Variants in MTO1 observed in about 807,000 individuals in gnomAD.
The protein encoded by MTO1 is 5-taurinomethyluridine-[tRNA] synthase subunit MTO1, mitochondrial.
A neutral mutation model predicts 71.6 loss-of-function variants in MTO1; 46 were observed. That is an observed-to-expected ratio of 0.64 (90% CI 0.51 to 0.82). The LOEUF (loss-of-function observed/expected upper bound fraction) is 0.82. Among genes scored for constraint, MTO1 ranks in the 40% least tolerant of loss-of-function variants. The pLI is 0.00. For synonymous variants in MTO1, 297 were observed against 312.1 expected (o/e 0.95, Z 0.51); for missense variants, 773 against 867.5 (o/e 0.89, Z 1.37).
intron 3 of MTO1, among the ~76,000 whole-genome samples, chr6:73,468,179 ACCAT>A (rs1338182221): frequency 6.7e-6 from 1 of 150,050 alleles, no homozygotes; most frequent in African/African-American, 2.5e-5. Flanking sequence ...GTGCAGTGGT[ACCAT>A]CTTGGCTCAC....
chr6:73,483,038 C>T (rs1192750614), intron 9 of MTO1, among the ~76,000 whole-genome samples: 2 of 151,946 alleles, frequency 1.3e-5, no homozygotes, highest in Non-Finnish European at 1.5e-5. Context: ...GTGATCCGCC[C>T]GCCTCGGCCT....
At position 73,461,799 on chromosome 6, in the gene MTO1, G is replaced by A. The variant is rs1770823570; in HGVS notation, c.-56G>A. Reference sequence around the variant, plus strand: ...CTGCAGATTGTCTCTTGTTGCGTAAGTTTTTTTGACCGTCACTCGTGTCAG... The same window carrying A: ...CTGCAGATTGTCTCTTGTTGCGTAAATTTTTTTGACCGTCACTCGTGTCAG... On this transcript the variant is annotated 5_prime_UTR_variant, in exon 1 of 12. Coordinates refer to ENST00000498286, the MANE Select transcript of MTO1 (RefSeq NM_012123.4). The A allele has an allele frequency of 6.4e-6, 10 of 1,570,094 alleles. No individual in the cohort carries two copies. In the South Asian group the frequency reaches 1.1e-4, roughly 18 times the overall value.
rs1026597151 is a variant in MTO1, at chr6:73,502,727, T to C, written c.*1992T>C. The C allele has an allele frequency of 6.6e-6, 1 of 151,946 alleles. No homozygotes were observed. The highest frequency in any genetic ancestry group is 1.5e-5 in the Non-Finnish European group (1 of 68,022). The allele number at this position is 151,946 out of a possible 1,614,324, so 9.4% of individuals were successfully genotyped here. On this transcript the variant is annotated 3_prime_UTR_variant, in exon 12 of 12. Coordinates refer to ENST00000498286, the MANE Select transcript of MTO1 (RefSeq NM_012123.4). The stretch of plus-strand genomic sequence containing the variant: ...TCCTGCCCAACATGGTGAAACCCCA[T>C]CTCTACTAAAAATACAAAAATTAGC...
chr6:73,473,748 T>A, intron 4 of MTO1, 94 bp downstream of exon 4: 1 of 1,027,618 alleles, frequency 9.7e-7, no homozygotes, highest in Non-Finnish European at 1.4e-6. Context: ...TGGCAGCAGT[T>A]CACTTTATAG....
chr6:73,475,799 A>G (rs1261869850), intron 4 of MTO1, among the ~76,000 whole-genome samples: 2 of 152,032 alleles, frequency 1.3e-5, no homozygotes, highest in East Asian at 1.9e-4. Flanking sequence ...GGTGTGAGCC[A>G]TCGCACCCAA....
chr6:73,504,151 A>G lies in MTO1; in HGVS notation c.*3416A>G, dbSNP rs893369096. The G allele has an allele frequency of 6.6e-6, 1 of 152,214 alleles. No homozygotes were observed. The highest frequency in any genetic ancestry group is 1.5e-5 in the Non-Finnish European group (1 of 68,060). 9.4% of individuals were successfully genotyped at this position (152,214 alleles called of 1,614,324 possible). A position where few individuals can be genotyped will look rare whatever the true frequency, so the allele number is the denominator to read the frequency against. On this transcript the variant is annotated 3_prime_UTR_variant, in exon 12 of 12. Transcript: ENST00000498286. ...GTTCTACCTTAATGTTTTTATTTAG[A>G]GACAAGATCTCACTCTGCCACCCTG...
rs73452515 is a variant in MTO1 at position 73,500,567 on chromosome 6, T to G, written c.1918-7T>G. ...CACTTAGTTTCTCTTGTGGTATTGA[T>G]TTTTAGATCGGGGCTGCTAGTCGCA... On this transcript the variant is annotated splice_polypyrimidine_tract_variant and splice_region_variant and intron_variant, in intron 11 of 11. Coordinates refer to ENST00000498286, the MANE Select transcript of MTO1 (RefSeq NM_012123.4). 12,066 of 1,608,822 alleles carry G rather than the reference T, an allele frequency of 7.5e-3. 738 individuals are homozygous for G. In the African/African-American group the frequency reaches 0.14, roughly 18 times the overall value.
At chr6:73,491,396 C>CAAAA (rs1223217073) in intron 9 of MTO1, among the ~76,000 whole-genome samples, 5 of 133,702 alleles carry the variant, frequency 3.7e-5, no homozygotes, top group African/African-American at 5.8e-5. Flanking sequence ...CCTGTCTCTA[C>CAAAA]AAAAAAAAAA....
At chr6:73,465,850 G>A (rs1770970943) in intron 1 of MTO1, among the ~76,000 whole-genome samples, 1 of 152,092 alleles carries the variant, frequency 6.6e-6, no homozygotes, top group Admixed American at 6.6e-5. Context: ...CAGGCGTGGT[G>A]CCGGACACCT....
chr6:73,489,894 C>T (rs1771756204), intron 9 of MTO1, among the ~76,000 whole-genome samples: 1 of 152,194 alleles, frequency 6.6e-6, no homozygotes, highest in South Asian at 2.1e-4. Context: ...AACTAGTTTA[C>T]AGTTCCACCA....
chr6:73,461,755 A>G lies in MTO1; in HGVS notation c.-100A>G, dbSNP rs557946124. The stretch of plus-strand genomic sequence containing the variant: ...CGTAGACGTCCTACCCCGTGATATT[A>G]AAGCAAGATGGCCGCGCCCTGCAGA... On this transcript the variant is annotated 5_prime_UTR_variant, in exon 1 of 12. Coordinates refer to ENST00000498286, the MANE Select transcript of MTO1 (RefSeq NM_012123.4). 1 of 1,322,402 alleles carries G rather than the reference A, an allele frequency of 7.6e-7. No individual in the cohort carries two copies. The highest frequency in any genetic ancestry group is 2.4e-5 in the East Asian group (1 of 41,250). The allele number at this position is 1,322,402 out of a possible 1,614,324, so 81.9% of individuals were successfully genotyped here.
Position 73,463,277 on chromosome 6 carries a change from C to T in MTO1, c.217+1206C>T, listed in dbSNP as rs576281031. On this transcript the variant is annotated intron_variant, in intron 1 of 11. Coordinates refer to ENST00000498286, the MANE Select transcript of MTO1 (RefSeq NM_012123.4). Reference sequence around the variant, plus strand: ...CGATCTCCTGACCTTGTGATCCGCCCGCCTCGGCCTCCCAAAATGCTGGGA... The same window carrying T: ...CGATCTCCTGACCTTGTGATCCGCCTGCCTCGGCCTCCCAAAATGCTGGGA... Among the ~76,000 whole-genome samples the T allele has an allele frequency of 1.1e-4, 16 of 151,970 alleles. No homozygotes were observed. The South Asian group carries it at 2.9e-3, about 28-fold the overall frequency.
chr6:73,477,160 C>T (rs1278842410), intron 4 of MTO1, among the ~76,000 whole-genome samples: 1 of 150,906 alleles, frequency 6.6e-6, no homozygotes, highest in Non-Finnish European at 1.5e-5. Context: ...CTTTGGGAGG[C>T]CAAGGCAGGT....
At chr6:73,473,723 T>A in intron 4 of MTO1, 69 bp downstream of exon 4, 1 of 890,824 alleles carries the variant, frequency 1.1e-6, no homozygotes, top group Non-Finnish European at 1.5e-6. Context: ...TACTGTAACT[T>A]TTTTTTTTTT....
At chr6:73,476,414 C>T (rs935914477) in intron 4 of MTO1, among the ~76,000 whole-genome samples, 4 of 146,926 alleles carry the variant, frequency 2.7e-5, no homozygotes, top group Admixed American at 6.8e-5. Flanking sequence ...TAACCCTCAA[C>T]GCATATAATT....
chr6:73,468,036 G>A (rs369730694), intron 3 of MTO1, among the ~76,000 whole-genome samples: 39 of 152,020 alleles, frequency 2.6e-4, no homozygotes, highest in African/African-American at 9.4e-4. Context: ...GGCCAGGATG[G>A]TCTTGTTCTC....
At chr6:73,473,111 C>T (rs1771196896) in intron 3 of MTO1, among the ~76,000 whole-genome samples, 1 of 152,210 alleles carries the variant, frequency 6.6e-6, no homozygotes, top group Non-Finnish European at 1.5e-5. Flanking sequence ...GAAACCCCAT[C>T]TCTACTAAAA....
In MTO1 at chr6:73,469,483, G is replaced by A. The variant is rs143781294; in HGVS notation, c.535+2877G>A. ...CTAAAAATAAAAAAATTAGCTGGGC[G>A]TGGTGGCATGCACCTGTAATCCCAG... On this transcript the variant is annotated intron_variant, in intron 3 of 11. Coordinates refer to ENST00000498286, the MANE Select transcript of MTO1 (RefSeq NM_012123.4). Among the ~76,000 whole-genome samples, 618 of 152,180 alleles carry A rather than the reference G, an allele frequency of 4.1e-3. 15 individuals carry two copies. Among genetic ancestry groups the A allele is most frequent in the Admixed American group, 0.035 (538 of 15,276 alleles).
At chr6:73,492,067 A>G (rs1582696433) in intron 9 of MTO1, 167 bp from the exon 10 acceptor site, 2 of 508,892 alleles carry the variant, frequency 3.9e-6, no homozygotes, top group East Asian at 3.6e-5. Context: ...GTACCACTGC[A>G]CTACAGTTGA....
Sources: allele counts gnomAD v4.1 joint callset (sites outside exome capture counted in the v4.1 genomes callset), GRCh38; gene constraint gnomAD v4.1.1; transcripts MANE v1.5; gene names NCBI Gene and HGNC (gene_info 2026-07-23, HGNC 2026-07-21).